NKAIN2: variants seen among roughly 807,000 people sequenced by gnomAD.
NKAIN2 encodes sodium/potassium transporting ATPase interacting 2, also known as sodium/potassium-transporting ATPase subunit beta-1-interacting protein 2.
A neutral mutation model predicts 32.6 loss-of-function variants in NKAIN2; 14 were observed. The ratio of observed to expected loss-of-function variants is 0.43; its 90% confidence interval spans 0.28 to 0.67. The LOEUF (loss-of-function observed/expected upper bound fraction) is 0.67. NKAIN2 is among the 30% of genes least tolerant of loss of function. The pLI, the probability that NKAIN2 is intolerant of heterozygous loss-of-function variation, is 0.17. For missense variants in NKAIN2, 198 were observed against 258.3 expected (o/e 0.77, Z 1.60); for synonymous variants, 80 against 87.2 (o/e 0.92, Z 0.46).
At chr6:124,160,728 G>T (rs1439811515) in intron 1 of NKAIN2, among the ~76,000 whole-genome samples, 2 of 152,030 alleles carry the variant, frequency 1.3e-5, no homozygotes, top group African/African-American at 2.4e-5. Context: ...CAAGAGAGGG[G>T]TGATTTATGA....
chr6:123,923,130 A>C (rs1775829609), intron 1 of NKAIN2, among the ~76,000 whole-genome samples: 1 of 84,028 alleles, frequency 1.2e-5, no homozygotes, highest in Non-Finnish European at 3.1e-5. Flanking sequence ...TTACCAAAAA[A>C]AACAAAAAAA....
intron 1 of NKAIN2, among the ~76,000 whole-genome samples, chr6:124,242,226 G>A (rs1216790079): frequency 6.6e-6 from 1 of 152,130 alleles, no homozygotes; most frequent in Non-Finnish European, 1.5e-5. Context: ...ATCAAAAAGT[G>A]GCCAAAGCAT....
intron 1 of NKAIN2, among the ~76,000 whole-genome samples, chr6:124,259,620 T>C (rs943279700): frequency 2.0e-5 from 3 of 152,176 alleles, no homozygotes; most frequent in Non-Finnish European, 4.4e-5. Context: ...ATTGTTATTA[T>C]TGATAATAGG....
intron 3 of NKAIN2, among the ~76,000 whole-genome samples, chr6:124,415,880 T>C (rs934286827): frequency 8.0e-6 from 1 of 125,708 alleles, no homozygotes; most frequent in Non-Finnish European, 1.5e-5. Flanking sequence ...TTTATTTGCT[T>C]TTTTTTTTTT....
intron 1 of NKAIN2, among the ~76,000 whole-genome samples, chr6:123,926,466 A>G (rs1776008420): frequency 6.6e-6 from 1 of 151,684 alleles, no homozygotes; most frequent in African/African-American, 2.4e-5. Context: ...TCCGTTCCCC[A>G]GATTGCTGCT....
At chr6:124,773,736 G>T (rs373736414) in intron 4 of NKAIN2, among the ~76,000 whole-genome samples, 16 of 152,160 alleles carry the variant, frequency 1.1e-4, no homozygotes, top group African/African-American at 3.9e-4. Context: ...TCATGTATCC[G>T]ATTAAATTAC....
intron 3 of NKAIN2, among the ~76,000 whole-genome samples, chr6:124,415,867 TTTTTTATTTGC>T (rs1774441637): frequency 7.1e-6 from 1 of 141,446 alleles, no homozygotes; most frequent in Non-Finnish European, 1.5e-5. Flanking sequence ...TTAATTTGCT[TTTTTTATTTGC>T]TTTTTTTTTT....
intron 4 of NKAIN2, among the ~76,000 whole-genome samples, chr6:124,755,508 T>C (rs928471030): frequency 1.3e-5 from 2 of 152,034 alleles, no homozygotes; most frequent in African/African-American, 4.8e-5. Flanking sequence ...CCATCACATG[T>C]ACCATGGAAT....
rs193045335 is a variant in NKAIN2 at position 124,044,170 on chromosome 6, C to A, written c.55-238835C>A. Among the ~76,000 whole-genome samples the A allele has an allele frequency of 4.6e-4, 70 of 152,076 alleles. 1 individual carries two copies. The highest frequency in any genetic ancestry group is 1.2e-4 in the Non-Finnish European group (8 of 67,956). On this transcript the variant is annotated intron_variant, in intron 1 of 6. Coordinates refer to ENST00000368417, the MANE Select transcript of NKAIN2 (RefSeq NM_001040214.3). ...TAATAATCTCTAGGACTTCTCCACT[C>A]ACCATTATTATGTAGTAGGATTTTA...
chr6:123,960,406 G>T (rs1369674135), intron 1 of NKAIN2, among the ~76,000 whole-genome samples: 1 of 152,110 alleles, frequency 6.6e-6, no homozygotes, highest in African/African-American at 2.4e-5. Flanking sequence ...GATGTACTCA[G>T]TGTCTACACC....
chr6:123,957,108 T>C (rs1298691094), intron 1 of NKAIN2, among the ~76,000 whole-genome samples: 1 of 152,186 alleles, frequency 6.6e-6, no homozygotes, highest in Non-Finnish European at 1.5e-5. Flanking sequence ...GTGTCTGTTG[T>C]TCACCTGTAT....
chr6:123,989,181 G>T (rs766749524), intron 1 of NKAIN2, among the ~76,000 whole-genome samples: 1 of 152,062 alleles, frequency 6.6e-6, no homozygotes, highest in Admixed American at 6.6e-5. Context: ...ACAATAATTT[G>T]TTTGGCTAAT....
intron 4 of NKAIN2, among the ~76,000 whole-genome samples, chr6:124,697,435 CA>C (rs1343961411): frequency 6.6e-6 from 1 of 152,156 alleles, no homozygotes; most frequent in East Asian, 1.9e-4. Context: ...ATTTTCATCA[CA>C]ATTTGTTTCT....
intron 3 of NKAIN2, among the ~76,000 whole-genome samples, chr6:124,378,647 A>G (rs1280922909): frequency 6.6e-6 from 1 of 152,176 alleles, no homozygotes; most frequent in Non-Finnish European, 1.5e-5. Context: ...CACACTGGCT[A>G]GGCCCTTCAG....
intron 1 of NKAIN2, among the ~76,000 whole-genome samples, chr6:123,917,507 T>G (rs1201469554): frequency 6.6e-6 from 1 of 152,140 alleles, no homozygotes; most frequent in African/African-American, 2.4e-5. Flanking sequence ...CAATTGAAAT[T>G]TCTCAATATT....
intron 3 of NKAIN2, among the ~76,000 whole-genome samples, chr6:124,500,385 G>A (rs1478839909): frequency 2.0e-5 from 3 of 151,838 alleles, no homozygotes; most frequent in Middle Eastern, 3.4e-3. Flanking sequence ...GCGGTGGCTC[G>A]TTACTGTAAT....
intron 1 of NKAIN2, among the ~76,000 whole-genome samples, chr6:124,269,414 T>C (rs1052929809): frequency 1.3e-5 from 2 of 151,798 alleles, no homozygotes; most frequent in African/African-American, 4.8e-5. Context: ...CTTGTAGTTC[T>C]GGTGGCAATT....
chr6:124,646,882 C>T (rs1289332742), intron 3 of NKAIN2, among the ~76,000 whole-genome samples: 1 of 151,786 alleles, frequency 6.6e-6, no homozygotes, highest in African/African-American at 2.4e-5. Flanking sequence ...AGTTGGGAGG[C>T]GGAGGTTGTA....
intron 1 of NKAIN2, among the ~76,000 whole-genome samples, chr6:124,009,056 G>A (rs762285303): frequency 6.6e-6 from 1 of 152,110 alleles, no homozygotes; most frequent in Non-Finnish European, 1.5e-5. Flanking sequence ...AGATCACTGG[G>A]CTCTATTTGA....
Sources: gnomAD v4.1 joint callset for allele counts (sites outside exome capture counted in the v4.1 genomes callset) on GRCh38, gnomAD v4.1.1 for gene constraint, MANE v1.5 for transcripts, NCBI Gene and HGNC (gene_info 2026-07-23, HGNC 2026-07-21) for gene names.